Variants in PDIA4 observed in about 807,000 individuals in gnomAD.
PDIA4 encodes protein disulfide-isomerase A4.
In PDIA4, 33 loss-of-function variants were observed where a neutral mutation model predicts 62.1. That is an observed-to-expected ratio of 0.53 (90% CI 0.40 to 0.71). PDIA4 has a LOEUF of 0.71. Among genes scored for constraint, PDIA4 ranks in the 30% least tolerant of loss-of-function variants. The probability of loss-of-function intolerance (pLI) is 0.00; values close to 1 mark genes in which losing one functional copy is unlikely to be tolerated. For missense variants in PDIA4, 804 were observed against 813.6 expected, an observed-to-expected ratio of 0.99 and a Z score of 0.14; for synonymous variants, 341 against 324.1, an observed-to-expected ratio of 1.05 and a Z score of -0.56.
chr7:149,008,256 G>C lies in PDIA4; in HGVS notation c.1034C>G (p.Ala345Gly), dbSNP rs142032316. The C allele has an allele frequency of 1.4e-4, 224 of 1,613,944 alleles. No homozygotes were observed. The African/African-American group carries it at 2.7e-3, about 19-fold the overall frequency. Residue 345 changes from alanine (A) to glycine (G), a missense_variant, in exon 7 of 10, where the codon GCA (alanine) becomes GGA (glycine). By Grantham distance (60) the Ala-to-Gly change is moderately conservative (BLOSUM62 0). Coordinates refer to ENST00000652332, the MANE Select transcript of PDIA4 (RefSeq NM_004911.5). ...CCCCTGGGAGACTTTCAAGAACTTT[G>C]CTATTTCTGTGCTGAAAGTGTGGTG... ...KFHHTFSTEIAKFLKVSQGQL... is the reference protein window; with the variant it reads ...KFHHTFSTEIGKFLKVSQGQL...
At chr7:149,021,452 G>A (rs959448150) in intron 1 of PDIA4, among the ~76,000 whole-genome samples, 14 of 132,452 alleles carry the variant, frequency 1.1e-4, no homozygotes, top group African/African-American at 3.7e-4. Context: ...TCGCGCCATT[G>A]CATTCCAGCC....
intron 9 of PDIA4, 140 bp from the exon 10 acceptor site, chr7:149,004,349 A>G: frequency 1.3e-6 from 1 of 770,818 alleles, no homozygotes. Context: ...TACTGTAGAA[A>G]GTAGTAGCTG....
Position 149,005,240 on chromosome 7 carries a change from T to G in PDIA4, c.1423A>C (p.Asn475His), listed in dbSNP as rs761283654. 6.2e-7 allele frequency: 1 copy of G among 1,614,080 alleles called. No homozygotes were observed. Among genetic ancestry groups the G allele is most frequent in the Non-Finnish European group, 8.5e-7 (1 of 1,179,918 alleles). ...CCACTCTCGTCCAGGATGGCGGCAT[T>G]GACATCCTCCCCACTCTCGCTGAGC... The part of the protein sequence containing the change: ...LGLSESGEDV[N>H]AAILDESGKK... Residue 475 changes from asparagine (N) to histidine (H), a missense_variant, in exon 9 of 10, where the codon AAT (asparagine) becomes CAT (histidine). Physicochemically the swap from Asn to His is moderately conservative, Grantham distance 68. Coordinates refer to ENST00000652332, the MANE Select transcript of PDIA4 (RefSeq NM_004911.5).
intron 3 of PDIA4, among the ~76,000 whole-genome samples, chr7:149,018,696 T>C (rs1319684605): frequency 3.9e-5 from 6 of 152,142 alleles, no homozygotes; most frequent in African/African-American, 1.4e-4. Context: ...CCTCCCAAAG[T>C]GCTGGGGTTA....
intron 9 of PDIA4, 105 bp downstream of exon 9, chr7:149,005,036 G>A: frequency 1.2e-6 from 1 of 814,638 alleles, no homozygotes; most frequent in South Asian, 1.5e-5. Flanking sequence ...GACTTAAGGG[G>A]GTGTCGTGCC....
intron 2 of PDIA4, among the ~76,000 whole-genome samples, chr7:149,019,939 G>A (rs1225882599): frequency 6.6e-6 from 1 of 152,164 alleles, no homozygotes; most frequent in Non-Finnish European, 1.5e-5. Context: ...GAACTAAAAA[G>A]TATGAAATCT....
intron 3 of PDIA4, among the ~76,000 whole-genome samples, chr7:149,016,559 C>T (rs1396506568): frequency 2.0e-5 from 3 of 151,918 alleles, no homozygotes; most frequent in African/African-American, 7.3e-5. Context: ...CTCGCTGTCG[C>T]CCAGGCTGGA....
chr7:149,013,005 T>G (rs1824004180), intron 4 of PDIA4, among the ~76,000 whole-genome samples: 1 of 152,096 alleles, frequency 6.6e-6, no homozygotes, highest in South Asian at 2.1e-4. Flanking sequence ...CGCAGCACTT[T>G]GGGAGGCCGA....
Position 149,008,150 on chromosome 7 carries a change from C to T in PDIA4, c.1131+9G>A. ...GTCCAGGGCTGGCATGGCAGAGGGG[C>T]CCGCTTACCTGGACGTCCATCATGT... On this transcript the variant is annotated intron_variant, in intron 7 of 9. Transcript: ENST00000652332. The T allele has an allele frequency of 1.9e-6, 3 of 1,612,172 alleles. No homozygotes were observed. Among genetic ancestry groups the T allele is most frequent in the Non-Finnish European group, 2.5e-6 (3 of 1,179,076 alleles).
chr7:149,012,435 AC>A (rs1823980968), intron 4 of PDIA4, 75 bp from the exon 5 acceptor site: 2 of 1,291,568 alleles, frequency 1.5e-6, no homozygotes, highest in Non-Finnish European at 2.2e-6. Context: ...AGCTGCAGAA[AC>A]CCATCCTGTG....
intron 1 of PDIA4, among the ~76,000 whole-genome samples, chr7:149,025,109 T>C (rs959932365): frequency 3.1e-4 from 2 of 6,498 alleles, no homozygotes; most frequent in African/African-American, 5.1e-4. Flanking sequence ...TATATATATG[T>C]ATGTCCAGAG....
intron 1 of PDIA4, among the ~76,000 whole-genome samples, chr7:149,022,111 G>A (rs1039297534): frequency 1.3e-5 from 2 of 152,138 alleles, no homozygotes; most frequent in African/African-American, 2.4e-5. Context: ...TGCAGAGGAT[G>A]GAATACTAAT....
chr7:149,025,070 CA>C (rs1184341612), intron 1 of PDIA4, among the ~76,000 whole-genome samples: 4,485 of 70,238 alleles, frequency 0.064, 133 homozygotes, highest in Non-Finnish European at 0.077. Flanking sequence ...AACTCCATCT[CA>C]AAAAAAAAAA....
intron 6 of PDIA4, among the ~76,000 whole-genome samples, chr7:149,010,495 AAAAT>A (rs1392859720): frequency 1.3e-5 from 2 of 152,082 alleles, no homozygotes. Context: ...ATCCGGTCTC[AAAAT>A]AAATAAATAA....
chr7:149,014,410 G>A (rs1201355926), intron 4 of PDIA4, among the ~76,000 whole-genome samples: 1 of 152,096 alleles, frequency 6.6e-6, no homozygotes, highest in Non-Finnish European at 1.5e-5. Context: ...AAATCACCAA[G>A]ACAGATGGTA....
At position 149,017,134 on chromosome 7, in the gene PDIA4, C is replaced by G. The variant is rs916366506; in HGVS notation, c.475+1858G>C. ...TCCAGAACACAGGCCTATCTTATGT[C>G]TATGAGGACCGGAAGCCTATTCAAC... On this transcript the variant is annotated intron_variant, in intron 3 of 9. Transcript: ENST00000652332. 2.6e-5 allele frequency among the ~76,000 whole-genome samples: 4 copies of G among 152,102 alleles called. No homozygotes were observed. The East Asian group carries it at 7.7e-4, about 29-fold the overall frequency.
chr7:149,006,160 G>A (rs978821005), intron 7 of PDIA4, 107 bp from the exon 8 acceptor site: 36 of 1,191,580 alleles, frequency 3.0e-5, no homozygotes, highest in Non-Finnish European at 3.9e-5. Context: ...AAGGGGATCA[G>A]TCTTAGGAGG....
chr7:149,028,394 T>G lies in PDIA4; in HGVS notation c.15A>C (p.Lys5Asn). 6.6e-7 allele frequency: 1 copy of G among 1,519,682 alleles called. No individual in the cohort carries two copies. The highest frequency in any genetic ancestry group is 8.8e-7 in the Non-Finnish European group (1 of 1,134,384). The allele number at this position is 1,519,682 out of a possible 1,614,324, so 94.1% of individuals were successfully genotyped here. A position where few individuals can be genotyped will look rare whatever the true frequency, so the allele number is the denominator to read the frequency against. ...CCAAGAGCAGCAGGAGCAGGAAGGC[T>G]TTCCGGGGCCTCATGGTAGCGGGGG... MRPR[K>N]AFLLLLLLGL... The change falls in exon 1 of 10, where the codon AAA (lysine) becomes AAC (asparagine). Residue 5 changes from lysine to asparagine, a missense_variant. Lys to Asn is a moderately conservative substitution (Grantham distance 94). Transcript: ENST00000652332.
chr7:149,018,349 T>C (rs1196912833), intron 3 of PDIA4, among the ~76,000 whole-genome samples: 1 of 152,154 alleles, frequency 6.6e-6, no homozygotes, highest in African/African-American at 2.4e-5. Flanking sequence ...GCCCTCCAGA[T>C]GACTGACGCT....
Sources: gnomAD v4.1 joint callset for allele counts (sites outside exome capture counted in the v4.1 genomes callset) on GRCh38, gnomAD v4.1.1 for gene constraint, MANE v1.5 for transcripts, NCBI Gene and HGNC (gene_info 2026-07-23, HGNC 2026-07-21) for gene names.